Variants in PPP3CC observed in about 807,000 individuals in gnomAD.
The protein encoded by PPP3CC is protein phosphatase 3 catalytic subunit gamma, also known as serine/threonine-protein phosphatase 2B catalytic subunit gamma isoform.
A neutral mutation model predicts 60.3 loss-of-function variants in PPP3CC; 35 were observed. That is an observed-to-expected ratio of 0.58 (90% CI 0.44 to 0.77). The LOEUF (loss-of-function observed/expected upper bound fraction) is 0.77. Among genes scored for constraint, PPP3CC ranks in the 30% least tolerant of loss-of-function variants. The probability of loss-of-function intolerance (pLI) is 0.00; values close to 1 mark genes in which losing one functional copy is unlikely to be tolerated. For synonymous variants in PPP3CC, 206 were observed against 224.3 expected, an observed-to-expected ratio of 0.92 and a Z score of 0.73; for missense variants, 570 against 628.9, an observed-to-expected ratio of 0.91 and a Z score of 1.00.
chr8:22,492,272 G>A (rs1405727287), intron 3 of PPP3CC, among the ~76,000 whole-genome samples: 1 of 151,960 alleles, frequency 6.6e-6, no homozygotes, highest in Admixed American at 6.6e-5. Flanking sequence ...TGGAATACCT[G>A]TATAAAGTAC....
intron 6 of PPP3CC, among the ~76,000 whole-genome samples, chr8:22,519,799 C>T (rs1029165285): frequency 6.6e-6 from 1 of 152,126 alleles, no homozygotes; most frequent in Non-Finnish European, 1.5e-5. Flanking sequence ...GGACTACAGG[C>T]ACACACCACC....
rs1264976355 is a variant in PPP3CC at position 22,475,495 on chromosome 8, C to T, written c.248-5C>T. On this transcript the variant is annotated splice_region_variant and splice_polypyrimidine_tract_variant and intron_variant, in intron 2 of 13. Transcript: ENST00000240139. ...TCTCACATCACTTTATGCTTTTTTTCCTAGTATGTGGTGATATTCATGGAC... is the reference window on the plus strand; with the variant it reads ...TCTCACATCACTTTATGCTTTTTTTTCTAGTATGTGGTGATATTCATGGAC... 3.7e-6 allele frequency: 6 copies of T among 1,600,454 alleles called. No individual in the cohort carries two copies. Among genetic ancestry groups the T allele is most frequent in the East Asian group, 4.5e-5 (2 of 44,680 alleles).
At chr8:22,490,331 C>A (rs911466116) in intron 3 of PPP3CC, among the ~76,000 whole-genome samples, 1 of 152,156 alleles carries the variant, frequency 6.6e-6, no homozygotes, top group Admixed American at 6.6e-5. Context: ...AATCTGTATT[C>A]TGTCGGGTTC....
intron 4 of PPP3CC, among the ~76,000 whole-genome samples, chr8:22,503,769 T>C (rs1838831089): frequency 6.6e-6 from 1 of 152,240 alleles, no homozygotes; most frequent in Non-Finnish European, 1.5e-5. Flanking sequence ...CCTGATGGCT[T>C]TCTTTTTCTC....
At chr8:22,441,543 G>GCCGGGCTGCGC (rs1290101226) in intron 1 of PPP3CC, 85 bp downstream of exon 1, 1 of 1,394,610 alleles carries the variant, frequency 7.2e-7, no homozygotes, top group Non-Finnish European at 9.5e-7. Flanking sequence ...GGAGGCTGGG[G>GCCGGGCTGCGC]CCGGGCTGCG....
At position 22,441,148 on chromosome 8, in the gene PPP3CC, C is replaced by G; in HGVS notation, c.-262C>G. ...CGCCACCCTTAGCAGCGGTCGCGGT[C>G]GGTGCCGAAGCGGTGTTCCCCGCCT... On this transcript the variant is annotated 5_prime_UTR_variant, in exon 1 of 14. Coordinates refer to ENST00000240139, the MANE Select transcript of PPP3CC (RefSeq NM_005605.5). 5.7e-6 allele frequency: 2 copies of G among 350,146 alleles called. No homozygotes were observed. The highest frequency in any genetic ancestry group is 5.1e-6 in the Non-Finnish European group (1 of 195,002). 21.7% of individuals were successfully genotyped at this position (350,146 alleles called of 1,614,324 possible). A position where few individuals can be genotyped will look rare whatever the true frequency, so the allele number is the denominator to read the frequency against.
rs199822256 is a variant in PPP3CC, at chr8:22,493,376, CAA to C, written c.373-4613_373-4612del. On this transcript the variant is annotated intron_variant, in intron 3 of 13. Coordinates refer to ENST00000240139, the MANE Select transcript of PPP3CC (RefSeq NM_005605.5). Reference sequence around the variant, plus strand: ...TAATAAAGTTCTTTGCCTAGTATACCAAAAAAAAAAAAAGATTTTTAATTTTT... The same window carrying C: ...TAATAAAGTTCTTTGCCTAGTATACCAAAAAAAAAAAGATTTTTAATTTTT... Among the ~76,000 whole-genome samples, 514 of 132,194 alleles carry C rather than the reference CAA, an allele frequency of 3.9e-3. 4 individuals are homozygous for C. Among genetic ancestry groups the C allele is most frequent in the African/African-American group, 0.013 (483 of 37,270 alleles). 86.7% of individuals were successfully genotyped at this position (132,194 alleles called of 152,430 possible).
chr8:22,539,326 C>G, intron 12 of PPP3CC, 143 bp from the exon 13 acceptor site: 1 of 644,190 alleles, frequency 1.6e-6, no homozygotes, highest in Non-Finnish European at 2.6e-6. Context: ...CTTCTCGCTT[C>G]TCTAACTAGT....
chr8:22,493,565 A>G (rs1247522614), intron 3 of PPP3CC, among the ~76,000 whole-genome samples: 1 of 152,084 alleles, frequency 6.6e-6, no homozygotes, highest in African/African-American at 2.4e-5. Context: ...ATTTTTTGGT[A>G]AGAATGAAGA....
At chr8:22,503,348 A>C (rs1838815992) in intron 4 of PPP3CC, among the ~76,000 whole-genome samples, 1 of 152,206 alleles carries the variant, frequency 6.6e-6, no homozygotes, top group Admixed American at 6.5e-5. Context: ...GGGAAAATTA[A>C]ATAATGTGTA....
intron 4 of PPP3CC, among the ~76,000 whole-genome samples, chr8:22,507,005 G>A (rs1838944994): frequency 1.3e-5 from 2 of 151,974 alleles, no homozygotes; most frequent in African/African-American, 4.8e-5. Flanking sequence ...TGTAATCCCA[G>A]CACATTGGGA....
At position 22,522,370 on chromosome 8, in the gene PPP3CC, A is replaced by G; in HGVS notation, c.771-121A>G. ...ACTAAGCTATTCATAAAATTTCAGT[A>G]GTGTGTAATACTTGTAGTTTTGAAA... is the stretch of plus-strand genomic sequence containing the variant. On this transcript the variant is annotated intron_variant, in intron 6 of 13. Coordinates refer to ENST00000240139, the MANE Select transcript of PPP3CC (RefSeq NM_005605.5). 3 of 680,962 alleles carry G rather than the reference A, an allele frequency of 4.4e-6. No homozygotes were observed. In the South Asian group the frequency reaches 6.0e-5, roughly 14 times the overall value. 42.2% of individuals were successfully genotyped at this position (680,962 alleles called of 1,614,324 possible). A position where few individuals can be genotyped will look rare whatever the true frequency, so the allele number is the denominator to read the frequency against.
intron 3 of PPP3CC, chr8:22,492,977 G>A: frequency 7.9e-7 from 1 of 1,270,474 alleles, no homozygotes. Context: ...CTGAAGCTCT[G>A]CCCAAACAGT....
intron 1 of PPP3CC, among the ~76,000 whole-genome samples, chr8:22,473,531 T>C (rs1317787318): frequency 6.6e-6 from 1 of 151,448 alleles, no homozygotes; most frequent in African/African-American, 2.4e-5. Context: ...TGTCACAATC[T>C]CGGCTCACTG....
chr8:22,474,868 G>A, intron 1 of PPP3CC, 86 bp from the exon 2 acceptor site: 1 of 937,834 alleles, frequency 1.1e-6, no homozygotes, highest in Non-Finnish European at 1.5e-6. Flanking sequence ...GATTTATTAG[G>A]TTTAATTTGT....
At chr8:22,510,343 A>C (rs1009943166) in intron 4 of PPP3CC, among the ~76,000 whole-genome samples, 44 of 152,218 alleles carry the variant, frequency 2.9e-4, no homozygotes, top group African/African-American at 1.1e-3. Flanking sequence ...AAATAGAATC[A>C]AGACATAATT....
At chr8:22,513,993 C>A (rs1057263241) in intron 6 of PPP3CC, among the ~76,000 whole-genome samples, 3 of 152,208 alleles carry the variant, frequency 2.0e-5, no homozygotes, top group African/African-American at 7.2e-5. Context: ...CGCCTATAAT[C>A]CCAGCTCTTT....
intron 4 of PPP3CC, among the ~76,000 whole-genome samples, chr8:22,506,621 T>C (rs1204767810): frequency 6.6e-6 from 1 of 151,996 alleles, no homozygotes; most frequent in African/African-American, 2.4e-5. Flanking sequence ...GGAGGCACAT[T>C]ATACCCTTTT....
intron 3 of PPP3CC, among the ~76,000 whole-genome samples, chr8:22,495,874 G>A (rs1345474078): frequency 6.6e-6 from 1 of 152,024 alleles, no homozygotes; most frequent in Admixed American, 6.6e-5. Context: ...TCATTTTTGT[G>A]TGGTCAAATT....
Sources: gnomAD v4.1 joint callset for allele counts (sites outside exome capture counted in the v4.1 genomes callset) on GRCh38, gnomAD v4.1.1 for gene constraint, MANE v1.5 for transcripts, NCBI Gene and HGNC (gene_info 2026-07-23, HGNC 2026-07-21) for gene names.